The following STARD10 variants were observed in gnomAD, a reference collection of about 807,000 sequenced individuals.
STARD10 encodes the protein StAR related lipid transfer domain containing 10, also known as START domain-containing protein 10.
STARD10 carries 24 observed loss-of-function variants against 36.0 expected under a neutral mutation model. The ratio of observed to expected loss-of-function variants is 0.67; its 90% confidence interval spans 0.48 to 0.94. The LOEUF is 0.94. STARD10 is among the 40% of genes least tolerant of loss of function. The pLI is 0.00. For missense variants in STARD10, 335 were observed against 396.6 expected (o/e 0.84, Z 1.32); for synonymous variants, 156 against 161.9 (o/e 0.96, Z 0.28).
intron 2 of STARD10, among the ~76,000 whole-genome samples, chr11:72,769,315 G>T (rs1466201072): frequency 6.6e-6 from 1 of 152,128 alleles, no homozygotes; most frequent in Non-Finnish European, 1.5e-5. Context: ...GCTTATGAAG[G>T]TATGGTAAAA....
intron 2 of STARD10, among the ~76,000 whole-genome samples, chr11:72,763,907 C>T (rs932317979): frequency 2.0e-5 from 3 of 152,134 alleles, no homozygotes; most frequent in African/African-American, 7.2e-5. Flanking sequence ...AAATAGAAAA[C>T]TGAAGCTTGG....
intron 2 of STARD10, among the ~76,000 whole-genome samples, chr11:72,765,814 T>TAAAAAAAAAAAAAA (rs1482917360): frequency 2.3e-5 from 2 of 88,808 alleles, no homozygotes; most frequent in African/African-American, 1.0e-4. Flanking sequence ...CTACTAAAAA[T>TAAAAAAAAAAAAAA]ACAAAAAAAA....
At chr11:72,774,139 T>C (rs1455752221) in intron 2 of STARD10, among the ~76,000 whole-genome samples, 2 of 151,852 alleles carry the variant, frequency 1.3e-5, no homozygotes, top group Non-Finnish European at 2.9e-5. Context: ...CCGGGGGAGA[T>C]GGAGGTGGTA....
chr11:72,769,997 C>A (rs1467227700), intron 2 of STARD10, among the ~76,000 whole-genome samples: 2 of 152,146 alleles, frequency 1.3e-5, no homozygotes, highest in African/African-American at 4.8e-5. Flanking sequence ...GAAACTTCTA[C>A]AGAGCAAGAT....
chr11:72,778,551 T>C (rs1321896143), intron 2 of STARD10, among the ~76,000 whole-genome samples: 3 of 152,142 alleles, frequency 2.0e-5, no homozygotes, highest in African/African-American at 7.2e-5. Flanking sequence ...GGGGTGCCCA[T>C]AACCAGGGTC....
intron 2 of STARD10, among the ~76,000 whole-genome samples, chr11:72,770,894 C>T (rs1402351514): frequency 6.6e-6 from 1 of 152,182 alleles, no homozygotes; most frequent in Non-Finnish European, 1.5e-5. Flanking sequence ...CAATGCAGTG[C>T]CACAAGGTAA....
At chr11:72,771,007 C>T (rs2135618365) in intron 2 of STARD10, among the ~76,000 whole-genome samples, 1 of 152,322 alleles carries the variant, frequency 6.6e-6, no homozygotes, top group Middle Eastern at 3.4e-3. Context: ...TGGCTCTGTG[C>T]CAGGCTCTGT....
At chr11:72,787,185 A>C (rs1859084173) in intron 1 of STARD10, among the ~76,000 whole-genome samples, 1 of 151,882 alleles carries the variant, frequency 6.6e-6, no homozygotes, top group Admixed American at 6.6e-5. Flanking sequence ...GTTTCAACCC[A>C]GATGGCCTGG....
At chr11:72,783,169 A>G (rs1432817518) in intron 1 of STARD10, among the ~76,000 whole-genome samples, 1 of 152,172 alleles carries the variant, frequency 6.6e-6, no homozygotes, top group Admixed American at 6.5e-5. Context: ...GAAGTGCTTA[A>G]AGCACTGAGA....
intron 6 of STARD10, 158 bp downstream of exon 6, chr11:72,755,543 T>G (rs1858632701): frequency 1.2e-6 from 1 of 818,670 alleles, no homozygotes; most frequent in East Asian, 2.8e-5. Context: ...ACTCCCGACC[T>G]CAGGTAATCC....
chr11:72,764,356 G>A (rs1033104426), intron 2 of STARD10, among the ~76,000 whole-genome samples: 2 of 152,248 alleles, frequency 1.3e-5, no homozygotes, highest in Admixed American at 6.5e-5. Flanking sequence ...GCAGAGCCAC[G>A]AGACAGACCA....
chr11:72,761,687 G>C (rs776917774), intron 2 of STARD10, among the ~76,000 whole-genome samples: 1 of 151,902 alleles, frequency 6.6e-6, no homozygotes, highest in Non-Finnish European at 1.5e-5. Flanking sequence ...GGAGGTTTCC[G>C]TGAGCCGAGA....
Position 72,757,822 on chromosome 11 carries a change from C to G in STARD10, c.522G>C (p.Gln174His). Residue 174 changes from glutamine to histidine, a missense_variant, in exon 5 of 7, where the codon CAG (glutamine) becomes CAC (histidine). Transcript: ENST00000334805. Reference protein sequence around the residue: ...AVSIQTGYLIQSTGPKSCVIT... With the variant: ...AVSIQTGYLIHSTGPKSCVIT... ...TGACGCAGCTCTTGGGCCCTGTGCT[C>G]TGGATGAGGTAGCCCGTCTGGATGG... 2 of 1,614,186 alleles carry G rather than the reference C, an allele frequency of 1.2e-6. No individual in the cohort carries two copies.
rs144232037 is a variant in STARD10, at chr11:72,769,881, A to T, written c.208-10500T>A. Among the ~76,000 whole-genome samples, 82 of 152,304 alleles carry T rather than the reference A, an allele frequency of 5.4e-4. 1 individual carries two copies. Among genetic ancestry groups the T allele is most frequent in the Admixed American group, 5.2e-3 (80 of 15,304 alleles). ...TCACAGAGGGTGGAGGGTTCCCCCG[A>T]GCAGGGGTGGCCACTGAGCTAGCTC... On this transcript the variant is annotated intron_variant, in intron 2 of 6. Transcript: ENST00000334805.
In STARD10 at chr11:72,780,776, T is replaced by C. The variant is rs118088674; in HGVS notation, c.207+199A>G. 8.0e-3 allele frequency: 4,917 copies of C among 612,198 alleles called. 25 individuals are homozygous for C. Among genetic ancestry groups the C allele is most frequent in the Non-Finnish European group, 0.011 (3,862 of 344,036 alleles). The allele number at this position is 612,198 out of a possible 1,614,324, so 37.9% of individuals were successfully genotyped here. ...TGAGAGAGGCAGGGTGAGTCACTCC[T>C]GCTCTCCAGGCCTCGGTTGGCCCAT... On this transcript the variant is annotated intron_variant, in intron 2 of 6. Coordinates refer to ENST00000334805, the MANE Select transcript of STARD10 (RefSeq NM_006645.3).
In STARD10 at chr11:72,784,705, T is replaced by C. The variant is rs78441942; in HGVS notation, c.-113-3411A>G. ...ATGGTCCCCTCCACAGGAAGTGAAT[T>C]GAGATGTCTCTCTGAGCCCCGAGGC... On this transcript the variant is annotated intron_variant, in intron 1 of 6. Transcript: ENST00000334805. Among the ~76,000 whole-genome samples the C allele has an allele frequency of 3.9e-5, 6 of 152,274 alleles. No individual in the cohort carries two copies. In the East Asian group the frequency reaches 1.2e-3, roughly 29 times the overall value.
rs1260484521 is a variant in STARD10 at position 72,781,653 on chromosome 11, G to A, written c.-113-359C>T. On this transcript the variant is annotated intron_variant, in intron 1 of 6. Coordinates refer to ENST00000334805, the MANE Select transcript of STARD10 (RefSeq NM_006645.3). This position sits in a 1 kb window ranked among gnomAD's most constrained non-coding sequence, Gnocchi z 4.7. The stretch of plus-strand genomic sequence containing the variant: ...GGGCAGGAGGGGCGCCCTCCAGGCC[G>A]GGCTGCTCACCTTTGCCCGCCGCTC... The A allele has an allele frequency of 6.7e-6, 1 of 149,018 alleles. No homozygotes were observed. Among genetic ancestry groups the A allele is most frequent in the African/African-American group, 2.4e-5 (1 of 41,022 alleles). 9.2% of individuals were successfully genotyped at this position (149,018 alleles called of 1,614,324 possible). A position where few individuals can be genotyped will look rare whatever the true frequency, so the allele number is the denominator to read the frequency against.
intron 2 of STARD10, among the ~76,000 whole-genome samples, chr11:72,761,912 CTTTTCTTTTTTTT>C (rs1858721730): frequency 1.2e-5 from 1 of 80,632 alleles, no homozygotes; most frequent in Non-Finnish European, 2.7e-5. Flanking sequence ...TTTTTCTTTT[CTTTTCTTTTTTTT>C]TTTTTTTTTT....
intron 2 of STARD10, among the ~76,000 whole-genome samples, chr11:72,766,883 G>A (rs1048998969): frequency 3.9e-5 from 6 of 152,182 alleles, no homozygotes; most frequent in East Asian, 1.9e-4. Context: ...ACAGCAGGAC[G>A]CCAGTATCCT....
Sources: allele counts gnomAD v4.1 joint callset (sites outside exome capture counted in the v4.1 genomes callset), GRCh38; gene constraint gnomAD v4.1.1; non-coding constraint Gnocchi (gnomAD v3.1); transcripts MANE v1.5; gene names NCBI Gene and HGNC (gene_info 2026-07-23, HGNC 2026-07-21).